The following TAOK3 variants were observed in gnomAD, a reference collection of about 807,000 sequenced individuals.
TAOK3 encodes TAO kinase 3, also known as serine/threonine-protein kinase TAO3.
TAOK3 carries 40 observed loss-of-function variants against 120.4 expected under a neutral mutation model. The observed-to-expected ratio is 0.33, with a 90% CI of 0.26 to 0.43. The LOEUF (loss-of-function observed/expected upper bound fraction) is 0.43. Ranked by LOEUF, TAOK3 falls within the 20% of genes least tolerant of loss-of-function variation. The pLI is 1.00. For missense variants in TAOK3, 821 were observed against 1,112.1 expected (o/e 0.74, Z 3.72); for synonymous variants, 355 against 387.5 (o/e 0.92, Z 0.99).
intron 1 of TAOK3, among the ~76,000 whole-genome samples, chr12:118,284,325 T>C (rs924497500): frequency 6.6e-6 from 1 of 152,126 alleles, no homozygotes; most frequent in Non-Finnish European, 1.5e-5. Context: ...TATTCCAGAA[T>C]GTTGGCAATA....
intron 17 of TAOK3, among the ~76,000 whole-genome samples, chr12:118,165,719 C>T (rs1293574367): frequency 1.3e-5 from 2 of 152,100 alleles, no homozygotes; most frequent in South Asian, 2.1e-4. Flanking sequence ...TGTGAACTAT[C>T]GTAGTTGTAA....
chr12:118,262,621 G>A (rs1284732082), intron 2 of TAOK3, among the ~76,000 whole-genome samples: 3 of 152,072 alleles, frequency 2.0e-5, no homozygotes, highest in African/African-American at 2.4e-5. Context: ...GAGGTGAGGC[G>A]TTCAAGACCA....
In TAOK3 at chr12:118,181,596, C is replaced by G; in HGVS notation, c.1341G>C (p.Gln447His). 6.2e-7 allele frequency: 1 copy of G among 1,614,144 alleles called. No homozygotes were observed. The highest frequency in any genetic ancestry group is 8.5e-7 in the Non-Finnish European group (1 of 1,180,012). ...CGTTCTCCTGCTCATGCTCATGGAT[C>G]TGTCGTGTAACCTGAATTGGGTTAG... ...TIKSASLVTR[Q>H]IHEHEQENEL... The change falls in exon 15 of 21, where the codon CAG (glutamine) becomes CAC (histidine). Residue 447 changes from glutamine (Q) to histidine (H), a missense_variant. Physicochemically the swap from Gln to His is conservative, Grantham distance 24. Coordinates refer to ENST00000392533, the MANE Select transcript of TAOK3 (RefSeq NM_016281.4).
rs992369911 is a variant in TAOK3 at position 118,334,248 on chromosome 12, T to A, written c.-194+38400A>T. On this transcript the variant is annotated intron_variant, in intron 1 of 20. Transcript: ENST00000392533. ...ATCAATGGATGAACAAATACTTTTT[T>A]AAAATTGTGGTATATATATGTAGTA... Among the ~76,000 whole-genome samples, 13 of 152,168 alleles carry A rather than the reference T, an allele frequency of 8.5e-5. No homozygotes were observed. The East Asian group carries it at 1.2e-3, about 14-fold the overall frequency.
At chr12:118,223,936 A>C (rs1367212296) in intron 9 of TAOK3, among the ~76,000 whole-genome samples, 2 of 152,220 alleles carry the variant, frequency 1.3e-5, no homozygotes, top group African/African-American at 2.4e-5. Flanking sequence ...GGCCAAGCCC[A>C]GCCCATAAGG....
intron 3 of TAOK3, 100 bp downstream of exon 3, chr12:118,255,348 C>G: frequency 7.4e-7 from 1 of 1,347,448 alleles, no homozygotes; most frequent in Non-Finnish European, 1.0e-6. Context: ...CCACCTTGGC[C>G]TTGCAAAGTG....
At chr12:118,301,518 C>T (rs943273877) in intron 1 of TAOK3, among the ~76,000 whole-genome samples, 4 of 152,082 alleles carry the variant, frequency 2.6e-5, no homozygotes, top group Admixed American at 2.6e-4. Context: ...CCATTTACAT[C>T]TGCAGTCATT....
intron 5 of TAOK3, among the ~76,000 whole-genome samples, chr12:118,242,740 G>A (rs2040307015): frequency 6.6e-6 from 1 of 151,962 alleles, no homozygotes; most frequent in African/African-American, 2.4e-5. Flanking sequence ...TGTGCCTGTA[G>A]TCCCAGCTAC....
At position 118,215,997 on chromosome 12, in the gene TAOK3, C is replaced by T. The variant is rs181220397; in HGVS notation, c.644-1887G>A. On this transcript the variant is annotated intron_variant, in intron 9 of 20. Transcript: ENST00000392533. ...GGCAGATCACCTGAGGCCAGGAGTT[C>T]GAGACCAGCCTGGGCAACATGGTGA... 2.0e-3 allele frequency among the ~76,000 whole-genome samples: 306 copies of T among 151,850 alleles called. 6 individuals are homozygous for T. Among genetic ancestry groups the T allele is most frequent in the Non-Finnish European group, 5.9e-4 (40 of 67,982 alleles).
chr12:118,150,488 T>A lies in TAOK3; in HGVS notation c.*509A>T, dbSNP rs975713080. 6.6e-6 allele frequency: 1 copy of A among 152,566 alleles called. No homozygotes were observed. The allele number at this position is 152,566 out of a possible 1,614,324, so 9.5% of individuals were successfully genotyped here. ...ATCTTTAATAAAACTTTGTTTTTTT[T>A]ATTCCTGATGAATAAATACCAAAAA... On this transcript the variant is annotated 3_prime_UTR_variant, in exon 21 of 21. Coordinates refer to ENST00000392533, the MANE Select transcript of TAOK3 (RefSeq NM_016281.4).
At chr12:118,296,496 C>G (rs993591474) in intron 1 of TAOK3, among the ~76,000 whole-genome samples, 1 of 152,116 alleles carries the variant, frequency 6.6e-6, no homozygotes, top group Non-Finnish European at 1.5e-5. Flanking sequence ...CTTATAACTT[C>G]TATAAGTTTC....
At chr12:118,165,340 TC>T (rs1025241518) in intron 17 of TAOK3, among the ~76,000 whole-genome samples, 3 of 152,114 alleles carry the variant, frequency 2.0e-5, no homozygotes, top group Non-Finnish European at 2.9e-5. Context: ...TCCCACACTT[TC>T]CTAAATTGAG....
At chr12:118,321,391 G>A (rs192662346) in intron 1 of TAOK3, among the ~76,000 whole-genome samples, 1 of 152,158 alleles carries the variant, frequency 6.6e-6, no homozygotes, top group East Asian at 1.9e-4. Context: ...CCTCTAAGAA[G>A]CTGGGGCTAC....
At chr12:118,190,045 G>A in intron 13 of TAOK3, 104 bp from the exon 14 acceptor site, 3 of 1,445,976 alleles carry the variant, frequency 2.1e-6, no homozygotes, top group African/African-American at 1.4e-5. Flanking sequence ...TGTTTGAAAT[G>A]CATAGTTTAG....
chr12:118,369,302 G>T, intron 1 of TAOK3, among the ~76,000 whole-genome samples: 1 of 152,142 alleles, frequency 6.6e-6, no homozygotes, highest in Non-Finnish European at 1.5e-5. Context: ...ATTTTTCACA[G>T]AATCCCTACC....
At chr12:118,173,630 G>C (rs969619477) in intron 16 of TAOK3, among the ~76,000 whole-genome samples, 4 of 152,168 alleles carry the variant, frequency 2.6e-5, no homozygotes, top group African/African-American at 9.7e-5. Flanking sequence ...TTCTTCACTT[G>C]GGATTATAGA....
intron 1 of TAOK3, among the ~76,000 whole-genome samples, chr12:118,353,801 G>T (rs567565067): frequency 6.6e-5 from 10 of 152,148 alleles, no homozygotes; most frequent in East Asian, 5.8e-4. Flanking sequence ...GAGACAAAGG[G>T]GTTACATTAC....
In TAOK3 at chr12:118,283,675, A is replaced by G. The variant is rs147311654; in HGVS notation, c.-193-16916T>C. 65 of 162,504 alleles carry G rather than the reference A, an allele frequency of 4.0e-4. No homozygotes were observed. In the East Asian group the frequency reaches 0.01, roughly 26 times the overall value. 10.1% of individuals were successfully genotyped at this position (162,504 alleles called of 1,614,324 possible). A position where few individuals can be genotyped will look rare whatever the true frequency, so the allele number is the denominator to read the frequency against. On this transcript the variant is annotated intron_variant, in intron 1 of 20. Coordinates refer to ENST00000392533, the MANE Select transcript of TAOK3 (RefSeq NM_016281.4). ...AACCTGGGAGGCAGAGGTTGCAGTC[A>G]GCCAAAATCATGCCACTGCACTCCA...
At chr12:118,254,633 G>A (rs888953788) in intron 3 of TAOK3, among the ~76,000 whole-genome samples, 7 of 152,098 alleles carry the variant, frequency 4.6e-5, no homozygotes, top group Admixed American at 1.3e-4. Context: ...TAGGATGAAC[G>A]GACAGGCATG....
Sources: allele counts gnomAD v4.1 joint callset (sites outside exome capture counted in the v4.1 genomes callset), GRCh38; gene constraint gnomAD v4.1.1; transcripts MANE v1.5; gene names NCBI Gene and HGNC (gene_info 2026-07-23, HGNC 2026-07-21).